Variants in SIN3A observed in about 807,000 individuals in gnomAD.
SIN3A encodes paired amphipathic helix protein Sin3a.
Under a neutral mutation model 146.1 loss-of-function variants are expected in SIN3A, and 14 were observed. That is an observed-to-expected ratio of 0.10 (90% CI 0.06 to 0.15). The LOEUF is 0.15. SIN3A is among the 10% of genes least tolerant of loss of function. The pLI is 1.00. For synonymous variants in SIN3A, 572 were observed against 572.0 expected, an observed-to-expected ratio of 1.00 and a Z score of 0.00; for missense variants, 1,028 against 1,576.0, an observed-to-expected ratio of 0.65 and a Z score of 5.89.
chr15:75,447,011 C>A (rs904002089), intron 1 of SIN3A, among the ~76,000 whole-genome samples: 1 of 152,188 alleles, frequency 6.6e-6, no homozygotes, highest in Non-Finnish European at 1.5e-5. Flanking sequence ...TCGTGATCCG[C>A]CTGCCTCAGC....
chr15:75,375,870 T>C lies in SIN3A; in HGVS notation c.3386A>G (p.Asn1129Ser). ...TTGACACTTCCGGATCCGCCGTAGA[T>C]TCCTATTGCAGAAAAGCCCCGGAGG... The part of the protein sequence containing the change: ...LAQKPVFLPR[N>S]LRRIRKCQRG... Residue 1129 changes from asparagine to serine, a missense_variant and splice_region_variant, in exon 20 of 21, where the codon AAT (asparagine) becomes AGT (serine). By Grantham distance (46) the Asn-to-Ser change is conservative. Coordinates refer to ENST00000394947, the MANE Select transcript of SIN3A (RefSeq NM_001145358.2). 4 of 1,613,938 alleles carry C rather than the reference T, an allele frequency of 2.5e-6. No individual in the cohort carries two copies. The highest frequency in any genetic ancestry group is 3.4e-6 in the Non-Finnish European group (4 of 1,180,038).
At chr15:75,400,604 TTTTTAAAAAGGA>T (rs2073393577) in intron 11 of SIN3A, 114 bp downstream of exon 11, 2 of 776,030 alleles carry the variant, frequency 2.6e-6, no homozygotes, top group Non-Finnish European at 4.1e-6. Flanking sequence ...AAACATTTTC[TTTTTAAAAAGGA>T]TTAAAAGGGT....
intron 19 of SIN3A, among the ~76,000 whole-genome samples, chr15:75,379,536 T>C (rs1445067159): frequency 6.6e-6 from 1 of 152,248 alleles, no homozygotes; most frequent in Non-Finnish European, 1.5e-5. Context: ...TAGTATGTTA[T>C]TAGCATGGAG....
upstream of SIN3A, among the ~76,000 whole-genome samples, chr15:75,454,268 C>T (rs1169564684): frequency 6.6e-6 from 1 of 152,186 alleles, no homozygotes; most frequent in Non-Finnish European, 1.5e-5. Context: ...AAGGGAGTCT[C>T]GCCTAGCCAG....
chr15:75,454,760 C>A (rs1193514881), upstream of SIN3A: 4 of 152,036 alleles, frequency 2.6e-5, no homozygotes, highest in Non-Finnish European at 5.9e-5. Context: ...GGCGGCGGCA[C>A]GGTCGGGGGA....
At chr15:75,418,912 G>A (rs566017659) in intron 3 of SIN3A, among the ~76,000 whole-genome samples, 2 of 151,904 alleles carry the variant, frequency 1.3e-5, no homozygotes, top group Non-Finnish European at 2.9e-5. Flanking sequence ...CCGCCACCAC[G>A]GCCGGCTAAT....
At chr15:75,375,931 C>G in intron 19 of SIN3A, 59 bp from the exon 20 acceptor site, 1 of 1,547,562 alleles carries the variant, frequency 6.5e-7, no homozygotes, top group Non-Finnish European at 8.9e-7. Flanking sequence ...CCCGTGACTT[C>G]CCCAAAGTGA....
intron 1 of SIN3A, among the ~76,000 whole-genome samples, chr15:75,433,103 C>G (rs921313421): frequency 1.3e-5 from 2 of 151,998 alleles, no homozygotes; most frequent in South Asian, 4.1e-4. Flanking sequence ...AAGAGCACGG[C>G]ACGACTATAG....
chr15:75,406,548 G>A (rs1210033928), intron 9 of SIN3A, among the ~76,000 whole-genome samples: 1 of 152,214 alleles, frequency 6.6e-6, no homozygotes, highest in African/African-American at 2.4e-5. Context: ...TTAGCCGGGC[G>A]AGGTGGTGGG....
rs748018153 is a variant in SIN3A, at chr15:75,410,247, T to A, written c.1048A>T (p.Thr350Ser). Reference sequence around the variant, plus strand: ...ACCTCCTGCTCTGTCAATGCTGGAGTGTAGTTTCCTCCAGCTTCCTTGGCA... The same window carrying A: ...ACCTCCTGCTCTGTCAATGCTGGAGAGTAGTTTCCTCCAGCTTCCTTGGCA... Reference protein sequence around the residue: ...RNAKEAGGNYTPALTEQEVYA... With the variant: ...RNAKEAGGNYSPALTEQEVYA... The change falls in exon 7 of 21, where the codon ACT becomes TCT. Residue 350 changes from threonine to serine, a missense_variant. Coordinates refer to ENST00000394947, the MANE Select transcript of SIN3A (RefSeq NM_001145358.2). 9.5e-5 allele frequency: 153 copies of A among 1,613,224 alleles called. 4 individuals carry two copies. Among genetic ancestry groups the A allele is most frequent in the Non-Finnish European group, 7.1e-5 (84 of 1,179,670 alleles).
chr15:75,380,723 G>A lies in SIN3A; in HGVS notation c.3289C>T (p.Arg1097Cys), dbSNP rs535980552. 4.3e-6 allele frequency: 7 copies of A among 1,611,892 alleles called. No individual in the cohort carries two copies. The highest frequency in any genetic ancestry group is 2.2e-5 in the South Asian group (2 of 91,052). The change falls in exon 19 of 21, where the codon CGC becomes TGC. Residue 1097 changes from arginine to cysteine, a missense_variant and splice_region_variant. Physicochemically the swap from Arg to Cys is radical, Grantham distance 180. Around this residue, in one of 9 missense-constraint regions of SIN3A, gnomAD observed 488 missense variants for 690.2 expected, o/e 0.71. Transcript: ENST00000394947. ...TATCGCTCCACGTAGTCTGACCAGC[G>A]CTAAGATGGCAAACACAAAATACAG... ...ENSDDPVEAE[R>C]WSDYVERYMN...
intron 16 of SIN3A, among the ~76,000 whole-genome samples, chr15:75,387,180 G>A (rs2073101560): frequency 6.6e-6 from 1 of 152,136 alleles, no homozygotes; most frequent in East Asian, 1.9e-4. Context: ...AGGAGAATGA[G>A]AGAAGAGATA....
chr15:75,455,424 CG>C (rs1041624716), upstream of SIN3A, among the ~76,000 whole-genome samples: 2 of 152,160 alleles, frequency 1.3e-5, no homozygotes, highest in African/African-American at 2.4e-5. Flanking sequence ...CAACAGGAGT[CG>C]GGGGTCTCCT....
At chr15:75,396,178 A>G (rs2073299650) in intron 13 of SIN3A, 80 bp downstream of exon 13, 1 of 1,048,138 alleles carries the variant, frequency 9.5e-7, no homozygotes, top group Non-Finnish European at 1.4e-6. Context: ...AACCAGGTTG[A>G]AAATGAGAGC....
At chr15:75,454,240 A>G (rs2141658009), upstream of SIN3A, among the ~76,000 whole-genome samples, 1 of 152,070 alleles carries the variant, frequency 6.6e-6, no homozygotes, top group Non-Finnish European at 1.5e-5. Context: ...TCCAATCCAC[A>G]TCCAAGAAGG....
chr15:75,371,939 T>TC lies in SIN3A; in HGVS notation c.*39dup, dbSNP rs750282597. ...GTGAGTGCATAGGCCCACACACACATCCCCACACACACCCCAAGTTATCTG... is the reference window on the plus strand; with the variant it reads ...GTGAGTGCATAGGCCCACACACACATCCCCCACACACACCCCAAGTTATCTG... On this transcript the variant is annotated 3_prime_UTR_variant, in exon 21 of 21. Coordinates refer to ENST00000394947, the MANE Select transcript of SIN3A (RefSeq NM_001145358.2). 18 of 1,563,748 alleles carry TC rather than the reference T, an allele frequency of 1.2e-5. No homozygotes were observed. The highest frequency in any genetic ancestry group is 1.5e-5 in the Non-Finnish European group (17 of 1,135,046).
At chr15:75,435,559 G>A (rs538209707) in intron 1 of SIN3A, among the ~76,000 whole-genome samples, 271 of 152,128 alleles carry the variant, frequency 1.8e-3, no homozygotes, top group African/African-American at 6.0e-3. Context: ...TTAGCTGGGC[G>A]TGGTGGCGCA....
Position 75,414,308 on chromosome 15 carries a change from C to A in SIN3A, c.370G>T (p.Glu124Ter). The change falls in exon 4 of 21, where the codon GAG becomes TAG. Residue 124 changes from glutamate to a stop codon, truncating the protein, a stop_gained. Transcript: ENST00000394947. LOFTEE classifies it high-confidence loss of function. ...GQQQFQRLKV[E>*]DALSYLDQVK... ...TGGTCAAGATAAGATAGCGCATCCT[C>A]CACCTGAGGCAGGGATAAATATCAA... 2 of 1,474,774 alleles carry A rather than the reference C, an allele frequency of 1.4e-6. No homozygotes were observed. Among genetic ancestry groups the A allele is most frequent in the South Asian group, 1.5e-5 (1 of 65,580 alleles). The allele number at this position is 1,474,774 out of a possible 1,614,324, so 91.4% of individuals were successfully genotyped here.
At chr15:75,437,665 G>A (rs956770811) in intron 1 of SIN3A, among the ~76,000 whole-genome samples, 4 of 152,128 alleles carry the variant, frequency 2.6e-5, no homozygotes, top group African/African-American at 4.8e-5. Context: ...AAAGCCAAAC[G>A]ATGGAACCAC....
Sources: allele counts gnomAD v4.1 joint callset (sites outside exome capture counted in the v4.1 genomes callset), GRCh38; gene constraint gnomAD v4.1.1; regional missense constraint gnomAD v4.1.1; transcripts MANE v1.5; gene names NCBI Gene and HGNC (gene_info 2026-07-23, HGNC 2026-07-21).